Variants in NPTN observed in about 807,000 individuals in gnomAD.
NPTN encodes the protein neuroplastin.
A neutral mutation model predicts 42.7 loss-of-function variants in NPTN; 5 were observed. The observed-to-expected ratio is 0.12, with a 90% CI of 0.06 to 0.25. The LOEUF (loss-of-function observed/expected upper bound fraction) is 0.25, where lower values mean the gene tolerates loss of function less well. Ranked by LOEUF, NPTN falls within the 10% of genes least tolerant of loss-of-function variation. The pLI, the probability that NPTN is intolerant of heterozygous loss-of-function variation, is 1.00. For synonymous variants in NPTN, 180 were observed against 201.9 expected (o/e 0.89, Z 0.92); for missense variants, 307 against 525.4 (o/e 0.58, Z 4.06).
intron 1 of NPTN, among the ~76,000 whole-genome samples, chr15:73,629,681 T>C (rs1002818165): frequency 6.6e-6 from 1 of 152,150 alleles, no homozygotes; most frequent in Non-Finnish European, 1.5e-5. Flanking sequence ...TCCATATGAA[T>C]ATATTACGTT....
At position 73,568,983 on chromosome 15, in the gene NPTN, A is replaced by G. The variant is rs147997956; in HGVS notation, c.1114+1167T>C. 2.7e-4 allele frequency: 262 copies of G among 985,562 alleles called. 4 individuals are homozygous for G. In the African/African-American group the frequency reaches 4.2e-3, roughly 16 times the overall value. The allele number at this position is 985,562 out of a possible 1,614,324, so 61.1% of individuals were successfully genotyped here. ...GCCACATTCTTTCTGAGGGAGCACC[A>G]GATGTCACTTTGTATTCTCCACTGG... On this transcript the variant is annotated intron_variant, in intron 6 of 8. Transcript: ENST00000345330.
chr15:73,583,774 A>T (rs1484198266), intron 4 of NPTN, among the ~76,000 whole-genome samples: 1 of 152,176 alleles, frequency 6.6e-6, no homozygotes, highest in Non-Finnish European at 1.5e-5. Context: ...ATCCTCACCT[A>T]TCACACTAGC....
Position 73,569,964 on chromosome 15 carries a change from TAAAATAAAAATAA to T in NPTN, c.1114+173_1114+185del, listed in dbSNP as rs1251661160. ...ATGGCTAATGCAAAAAAAATAAAAATAAAATAAAAATAAAAAATAAAAATAAAAAACTCTTACG... is the reference window on the plus strand; with the variant it reads ...ATGGCTAATGCAAAAAAAATAAAAATAAAATAAAAATAAAAAACTCTTACG... On this transcript the variant is annotated intron_variant, in intron 6 of 8. Coordinates refer to ENST00000345330, the MANE Select transcript of NPTN (RefSeq NM_012428.4). The surrounding 1 kb of genome is among the most constrained non-coding windows in gnomAD (Gnocchi z 4.1). 4.0e-5 allele frequency among the ~76,000 whole-genome samples: 6 copies of T among 151,732 alleles called. No homozygotes were observed. The highest frequency in any genetic ancestry group is 7.3e-5 in the African/African-American group (3 of 41,316).
chr15:73,591,910 A>G, intron 3 of NPTN, 56 bp downstream of exon 3: 1 of 1,511,888 alleles, frequency 6.6e-7, no homozygotes, highest in Non-Finnish European at 9.0e-7. Flanking sequence ...TATGAATGTC[A>G]AGTAAGCTCA....
At chr15:73,587,168 G>A (rs916213204) in intron 4 of NPTN, among the ~76,000 whole-genome samples, 2 of 152,176 alleles carry the variant, frequency 1.3e-5, no homozygotes, top group Non-Finnish European at 2.9e-5. Flanking sequence ...CATAGGAGCT[G>A]CCAGCATTCA....
At chr15:73,584,320 G>T (rs571642914) in intron 4 of NPTN, among the ~76,000 whole-genome samples, 1 of 152,258 alleles carries the variant, frequency 6.6e-6, no homozygotes, top group African/African-American at 2.4e-5. Flanking sequence ...TGGGAGTCAT[G>T]AGAGCAATTT....
intron 3 of NPTN, 44 bp downstream of exon 3, chr15:73,591,922 C>T: frequency 6.4e-7 from 1 of 1,561,052 alleles, no homozygotes; most frequent in Non-Finnish European, 8.7e-7. Context: ...GTAAGCTCAG[C>T]CACACTCCCT....
At chr15:73,622,948 A>AC (rs1490269164) in intron 1 of NPTN, among the ~76,000 whole-genome samples, 4 of 152,348 alleles carry the variant, frequency 2.6e-5, no homozygotes, top group African/African-American at 9.6e-5. Context: ...TCCCACCTCT[A>AC]CCAAGGTATT....
intron 2 of NPTN, 100 bp from the exon 3 acceptor site, chr15:73,592,237 A>AG (rs1300312263): frequency 1.0e-6 from 1 of 971,068 alleles, no homozygotes; most frequent in Non-Finnish European, 1.5e-6. Context: ...CTAGAAAAAG[A>AG]GGGAGGGCAG....
intron 6 of NPTN, among the ~76,000 whole-genome samples, chr15:73,566,820 T>C (rs1458921562): frequency 2.0e-5 from 3 of 152,186 alleles, no homozygotes; most frequent in Non-Finnish European, 2.9e-5. Flanking sequence ...GACTCCATGA[T>C]TCACTTGTTC....
rs1209273589 is a variant in NPTN at position 73,567,199 on chromosome 15, A to T, written c.1114+2951T>A. On this transcript the variant is annotated intron_variant, in intron 6 of 8. Transcript: ENST00000345330. ...AGGGGATGAGTTACCAAGAACTCACAGACTGCCCAAAATATGACGACTGTG... is the reference window on the plus strand; with the variant it reads ...AGGGGATGAGTTACCAAGAACTCACTGACTGCCCAAAATATGACGACTGTG... 4.1e-6 allele frequency: 4 copies of T among 985,058 alleles called. No homozygotes were observed. In the African/African-American group the frequency reaches 7.0e-5, roughly 17 times the overall value. The allele number at this position is 985,058 out of a possible 1,614,324, so 61.0% of individuals were successfully genotyped here.
At chr15:73,621,863 C>G (rs1457347004) in intron 1 of NPTN, among the ~76,000 whole-genome samples, 1 of 152,094 alleles carries the variant, frequency 6.6e-6, no homozygotes, top group Non-Finnish European at 1.5e-5. Flanking sequence ...GGAACCTATT[C>G]CACTGTTCGA....
chr15:73,625,832 A>T (rs1898375917), intron 1 of NPTN, among the ~76,000 whole-genome samples: 1 of 152,212 alleles, frequency 6.6e-6, no homozygotes, highest in Non-Finnish European at 1.5e-5. Context: ...GGGTTTATTC[A>T]TTACTTAATC....
chr15:73,561,073 A>G (rs1182815672), intron 8 of NPTN, 25 bp from the exon 9 acceptor site: 3 of 152,650 alleles, frequency 2.0e-5, no homozygotes, highest in Non-Finnish European at 4.4e-5. Flanking sequence ...GTATTTGGAA[A>G]TTATAAAGGG....
chr15:73,608,857 T>G (rs2141446856), intron 1 of NPTN, among the ~76,000 whole-genome samples: 1 of 152,330 alleles, frequency 6.6e-6, no homozygotes, highest in South Asian at 2.1e-4. Context: ...GGGTGGGCAG[T>G]GATACTATAA....
At chr15:73,605,468 C>A (rs1280470714) in intron 1 of NPTN, among the ~76,000 whole-genome samples, 80 of 152,222 alleles carry the variant, frequency 5.3e-4, no homozygotes, top group Non-Finnish European at 8.8e-5. Context: ...GTGGCTCATG[C>A]CTGTAATCCC....
chr15:73,612,174 A>G (rs925592421), intron 1 of NPTN, among the ~76,000 whole-genome samples: 1 of 152,106 alleles, frequency 6.6e-6, no homozygotes, highest in Non-Finnish European at 1.5e-5. Context: ...TAATCCCAAC[A>G]CGGGAAGGCC....
chr15:73,585,616 G>A (rs1158721419), intron 4 of NPTN, among the ~76,000 whole-genome samples: 1 of 152,190 alleles, frequency 6.6e-6, no homozygotes, highest in Admixed American at 6.5e-5. Context: ...CAGGTGTTGG[G>A]GGGAGAAGGA....
At chr15:73,604,383 G>A (rs1478253715) in intron 1 of NPTN, among the ~76,000 whole-genome samples, 1 of 152,126 alleles carries the variant, frequency 6.6e-6, no homozygotes, top group African/African-American at 2.4e-5. Context: ...CTGAGTCCAG[G>A]AAGTTGAGGC....
Sources: allele counts gnomAD v4.1 joint callset (sites outside exome capture counted in the v4.1 genomes callset), GRCh38; gene constraint gnomAD v4.1.1; non-coding constraint Gnocchi (gnomAD v3.1); transcripts MANE v1.5; gene names NCBI Gene and HGNC (gene_info 2026-07-23, HGNC 2026-07-21).